LMO2: variants seen among roughly 807,000 people sequenced by gnomAD.
LMO2 encodes rhombotin-2.
LMO2 carries 20 observed loss-of-function variants against 23.2 expected under a neutral mutation model. The ratio of observed to expected loss-of-function variants is 0.86; its 90% CI spans 0.61 to 1.25. LMO2 has a LOEUF of 1.25. Ranked by LOEUF, LMO2 falls within the 50% of genes most tolerant of loss-of-function variation. The pLI is 0.00. For missense variants in LMO2, 270 were observed against 315.3 expected, an observed-to-expected ratio of 0.86 and a Z score of 1.09; for synonymous variants, 123 against 130.2, an observed-to-expected ratio of 0.94 and a Z score of 0.38.
intron 5 of LMO2, among the ~76,000 whole-genome samples, chr11:33,860,606 A>T (rs1423513937): frequency 1.3e-5 from 2 of 152,166 alleles, no homozygotes; most frequent in African/African-American, 4.8e-5. Context: ...TTTACAAAAA[A>T]TACAAAAATT....
chr11:33,866,081 C>T (rs535732779), intron 4 of LMO2, among the ~76,000 whole-genome samples: 14 of 152,200 alleles, frequency 9.2e-5, no homozygotes, highest in African/African-American at 3.4e-4. Flanking sequence ...TACTAACTTA[C>T]CAGGCGACCT....
At chr11:33,888,311 C>G (rs1370966974) in intron 1 of LMO2, among the ~76,000 whole-genome samples, 1 of 152,106 alleles carries the variant, frequency 6.6e-6, no homozygotes, top group Non-Finnish European at 1.5e-5. Flanking sequence ...TGTGCCACTG[C>G]CAGGGGGATC....
intron 2 of LMO2, among the ~76,000 whole-genome samples, chr11:33,875,989 C>T (rs530127353): frequency 1.3e-5 from 2 of 152,350 alleles, no homozygotes; most frequent in African/African-American, 4.8e-5. Flanking sequence ...CCCCTTCACT[C>T]TGTCTGCCTG....
chr11:33,888,636 C>G (rs556300427), intron 1 of LMO2, among the ~76,000 whole-genome samples: 1 of 152,278 alleles, frequency 6.6e-6, no homozygotes, highest in South Asian at 2.1e-4. Context: ...CACTAATAAC[C>G]CGGGCCAGCG....
chr11:33,868,566 G>A (rs1590637341), intron 4 of LMO2, among the ~76,000 whole-genome samples: 2 of 152,162 alleles, frequency 1.3e-5, no homozygotes, highest in South Asian at 4.1e-4. Context: ...AAACCAGTAC[G>A]CGGCTCAGAA....
intron 1 of LMO2, among the ~76,000 whole-genome samples, chr11:33,883,047 C>T (rs905192304): frequency 2.0e-5 from 3 of 152,110 alleles, no homozygotes; most frequent in African/African-American, 4.8e-5. Context: ...ACTAACACAC[C>T]GTTATTTAAT....
At chr11:33,865,898 T>A (rs1856764955) in intron 4 of LMO2, among the ~76,000 whole-genome samples, 1 of 152,274 alleles carries the variant, frequency 6.6e-6, no homozygotes, top group African/African-American at 2.4e-5. Flanking sequence ...TAATACGTGT[T>A]GATTTATAAT....
chr11:33,873,296 A>T (rs1857068341), intron 2 of LMO2, among the ~76,000 whole-genome samples: 1 of 152,176 alleles, frequency 6.6e-6, no homozygotes, highest in African/African-American at 2.4e-5. Flanking sequence ...CTTATCTTTC[A>T]CAACTCTTTG....
rs561407942 is a variant in LMO2 at position 33,875,486 on chromosome 11, G to A, written c.-271-5499C>T. ...CCAGCTACCCGGGAGGCTGAGGCAG[G>A]AGAATTGCTTGAACCTGGGAGGCAG... is the stretch of plus-strand genomic sequence containing the variant. On this transcript the variant is annotated intron_variant, in intron 2 of 5. Coordinates refer to ENST00000257818, the MANE Select transcript of LMO2 (RefSeq NM_005574.4). 8.0e-5 allele frequency among the ~76,000 whole-genome samples: 12 copies of A among 150,776 alleles called. 2 individuals are homozygous for A. The Admixed American group carries it at 8.0e-4, about 10-fold the overall frequency.
chr11:33,878,812 G>T (rs561323255), intron 2 of LMO2, among the ~76,000 whole-genome samples: 3 of 152,286 alleles, frequency 2.0e-5, no homozygotes, highest in Admixed American at 6.5e-5. Flanking sequence ...ATAATTTCAC[G>T]TGTGTGCCTG....
chr11:33,861,582 C>T (rs953651044), intron 5 of LMO2, among the ~76,000 whole-genome samples: 16 of 152,114 alleles, frequency 1.1e-4, no homozygotes, highest in African/African-American at 3.6e-4. Flanking sequence ...TGCAGGTAAC[C>T]GCCACATTGG....
At chr11:33,884,861 G>T (rs535660994) in intron 1 of LMO2, among the ~76,000 whole-genome samples, 5 of 152,226 alleles carry the variant, frequency 3.3e-5, no homozygotes, top group African/African-American at 9.6e-5. Flanking sequence ...TGCCACCCTG[G>T]CAGTTAGGGG....
Position 33,869,364 on chromosome 11 carries a change from T to C in LMO2, c.230A>G (p.Lys77Arg). 1.7e-6 allele frequency: 2 copies of C among 1,208,212 alleles called. No individual in the cohort carries two copies. Among genetic ancestry groups the C allele is most frequent in the East Asian group, 3.5e-5 (1 of 28,652 alleles). The allele number at this position is 1,208,212 out of a possible 1,614,324, so 74.8% of individuals were successfully genotyped here. Residue 77 changes from lysine to arginine, a missense_variant, in exon 4 of 6, where the codon AAG (lysine) becomes AGG (arginine). Coordinates refer to ENST00000257818, the MANE Select transcript of LMO2 (RefSeq NM_005574.4). ...PSPMSSAIERKSLDPSEEPVD... is the reference protein window; with the variant it reads ...PSPMSSAIERRSLDPSEEPVD... ...CACTTACTCTGAAGGGTCCAGGCTC[T>C]TCCTTTCGATGGCCGAGGACATTGG... is the stretch of plus-strand genomic sequence containing the variant.
At chr11:33,874,127 AT>A (rs35223664) in intron 2 of LMO2, among the ~76,000 whole-genome samples, 9,215 of 152,232 alleles carry the variant, frequency 0.061, 417 homozygotes, top group African/African-American at 0.13. Flanking sequence ...CCCATGGAGA[AT>A]TTTTTTAAAC....
chr11:33,886,173 C>T (rs544837988), intron 1 of LMO2, among the ~76,000 whole-genome samples: 175 of 152,264 alleles, frequency 1.1e-3, no homozygotes, highest in African/African-American at 4.1e-3. Context: ...CCACCATGCC[C>T]GGCCACAACT....
At chr11:33,885,095 T>C (rs1055207817) in intron 1 of LMO2, among the ~76,000 whole-genome samples, 1 of 152,170 alleles carries the variant, frequency 6.6e-6, no homozygotes, top group African/African-American at 2.4e-5. Flanking sequence ...CAGGGTTAAA[T>C]TGCAGAACAG....
At chr11:33,877,095 T>C in intron 2 of LMO2, among the ~76,000 whole-genome samples, 1 of 152,108 alleles carries the variant, frequency 6.6e-6, no homozygotes, top group East Asian at 1.9e-4. Context: ...TCAAGTAAGG[T>C]GGGGTCAACA....
At chr11:33,878,368 A>C (rs1315809421) in intron 2 of LMO2, among the ~76,000 whole-genome samples, 1 of 152,176 alleles carries the variant, frequency 6.6e-6, no homozygotes, top group Non-Finnish European at 1.5e-5. Flanking sequence ...TTGGTACTAG[A>C]ATAGTAGAGT....
At chr11:33,865,106 A>C in intron 4 of LMO2, 2 of 480,524 alleles carry the variant, frequency 4.2e-6, no homozygotes, top group South Asian at 4.1e-5. Context: ...GCCCATGCCC[A>C]GCACTACCTG....
Sources: allele counts gnomAD v4.1 joint callset (sites outside exome capture counted in the v4.1 genomes callset), GRCh38; gene constraint gnomAD v4.1.1; transcripts MANE v1.5; gene names NCBI Gene and HGNC (gene_info 2026-07-23, HGNC 2026-07-21).